PC: variants seen among roughly 807,000 people sequenced by gnomAD.
PC encodes the protein pyruvate carboxylase, mitochondrial.
PC carries 46 observed loss-of-function variants against 107.8 expected under a neutral mutation model. The observed-to-expected ratio is 0.43, with a 90% CI of 0.34 to 0.55. PC has a LOEUF of 0.55. Among genes scored for constraint, PC ranks in the 20% least tolerant of loss-of-function variants. The probability of loss-of-function intolerance (pLI) is 0.04; values close to 1 mark genes in which losing one functional copy is unlikely to be tolerated. For synonymous variants in PC, 662 were observed against 684.7 expected, an observed-to-expected ratio of 0.97 and a Z score of 0.52; for missense variants, 1,241 against 1,643.1, an observed-to-expected ratio of 0.76 and a Z score of 4.23.
chr11:66,928,840 T>A (rs1157726041), intron 3 of PC, among the ~76,000 whole-genome samples: 1 of 152,080 alleles, frequency 6.6e-6, no homozygotes, highest in African/African-American at 2.4e-5. Flanking sequence ...CATTACTTAT[T>A]ATGGGCAATT....
chr11:66,935,995 T>C (rs1299508550), intron 3 of PC, among the ~76,000 whole-genome samples: 4 of 150,762 alleles, frequency 2.7e-5, no homozygotes, highest in Admixed American at 2.7e-4. Flanking sequence ...GGGAGGATCA[T>C]TTGAGCCTTG....
chr11:66,849,653 A>G lies in PC; in HGVS notation c.3105T>C (p.Thr1035=). 1 of 1,614,198 alleles carries G rather than the reference A, an allele frequency of 6.2e-7. No individual in the cohort carries two copies. Among genetic ancestry groups the G allele is most frequent in the Non-Finnish European group, 8.5e-7 (1 of 1,180,036 alleles). ...ATFGPLDSLN[T]RLFLQGPKIA... is the part of the protein sequence containing the mutation. ...TCTTGGGTCCCTGCAGGAAGAGGCGAGTATTCAGGCTATCCAGGGGGCCAA... is the reference window on the plus strand; with the variant it reads ...TCTTGGGTCCCTGCAGGAAGAGGCGGGTATTCAGGCTATCCAGGGGGCCAA... Residue 1035 remains threonine, a synonymous_variant, in exon 21 of 23, where the codon ACT becomes ACC. Transcript: ENST00000393960.
intron 3 of PC, among the ~76,000 whole-genome samples, chr11:66,875,583 T>C (rs1946943827): frequency 6.6e-6 from 1 of 151,886 alleles, no homozygotes; most frequent in African/African-American, 2.4e-5. Flanking sequence ...CCAGGGGGGA[T>C]GCCTGGAGGA....
chr11:66,958,265 C>T (rs1350553967), intron 1 of PC, 57 bp downstream of exon 1: 4 of 152,142 alleles, frequency 2.6e-5, no homozygotes, highest in Non-Finnish European at 5.9e-5. Context: ...CGGCGCACGT[C>T]CACCCGCTCC....
intron 3 of PC, among the ~76,000 whole-genome samples, chr11:66,872,591 C>T (rs1222427999): frequency 6.6e-6 from 1 of 151,854 alleles, no homozygotes; most frequent in Admixed American, 6.6e-5. Context: ...AAAAATTAGC[C>T]GGGCGTGGTG....
intron 3 of PC, among the ~76,000 whole-genome samples, chr11:66,948,484 T>C (rs1949358935): frequency 6.6e-6 from 1 of 152,198 alleles, no homozygotes; most frequent in Non-Finnish European, 1.5e-5. Flanking sequence ...ACACATATGT[T>C]AAAACTTACT....
At chr11:66,907,981 G>C (rs1948218583) in intron 3 of PC, 1 of 152,374 alleles carries the variant, frequency 6.6e-6, no homozygotes, top group Non-Finnish European at 1.5e-5. Context: ...CCAGGAGAGA[G>C]AGGCTGCTTG....
At chr11:66,911,358 A>G (rs61890458) in intron 3 of PC, among the ~76,000 whole-genome samples, 1,857 of 151,202 alleles carry the variant, frequency 0.012, 12 homozygotes, top group Middle Eastern at 0.024. Flanking sequence ...CCTGGGCTTC[A>G]GTTTCTTCCC....
At chr11:66,873,592 C>T (rs529544674) in intron 3 of PC, among the ~76,000 whole-genome samples, 14 of 122,278 alleles carry the variant, frequency 1.1e-4, no homozygotes, top group South Asian at 9.2e-4. Context: ...AATCAACTGA[C>T]GACAACTTAT....
At chr11:66,940,301 T>G (rs765112679) in intron 3 of PC, among the ~76,000 whole-genome samples, 4 of 151,620 alleles carry the variant, frequency 2.6e-5, no homozygotes, top group Non-Finnish European at 2.9e-5. Flanking sequence ...CATGCTCAAG[T>G]GATCCTCCCA....
intron 12 of PC, among the ~76,000 whole-genome samples, chr11:66,861,811 C>T (rs758843587): frequency 7.2e-5 from 11 of 151,818 alleles, no homozygotes; most frequent in Non-Finnish European, 1.6e-4. Context: ...CTGCTGGCCC[C>T]GTGGTCACGG....
intron 3 of PC, among the ~76,000 whole-genome samples, chr11:66,885,953 G>A (rs1947342980): frequency 6.6e-6 from 1 of 152,226 alleles, no homozygotes; most frequent in Non-Finnish European, 1.5e-5. Context: ...GCACAATGAT[G>A]GTAAAAATAC....
intron 12 of PC, chr11:66,859,075 A>G: frequency 1.3e-6 from 2 of 1,489,734 alleles, no homozygotes; most frequent in Non-Finnish European, 1.8e-6. Context: ...AGCAGCGAAG[A>G]TGAGACCCTC....
intron 3 of PC, among the ~76,000 whole-genome samples, chr11:66,923,095 G>A (rs981631650): frequency 2.0e-5 from 3 of 152,064 alleles, no homozygotes; most frequent in South Asian, 2.1e-4. Context: ...CACCGGGCGC[G>A]GTGGCTCACG....
At chr11:66,926,437 C>T (rs898439086) in intron 3 of PC, among the ~76,000 whole-genome samples, 1 of 152,158 alleles carries the variant, frequency 6.6e-6, no homozygotes, top group Non-Finnish European at 1.5e-5. Context: ...GAAAGTAAGG[C>T]TTACCATTAT....
intron 3 of PC, among the ~76,000 whole-genome samples, chr11:66,876,447 T>C (rs1293595143): frequency 6.6e-6 from 1 of 152,212 alleles, no homozygotes; most frequent in East Asian, 1.9e-4. Flanking sequence ...TCATTTCAAA[T>C]TGACAAGTGA....
rs148329620 is a variant in PC, at chr11:66,858,094, G to A, written c.1369-4711C>T. The A allele has an allele frequency of 2.7e-5, 43 of 1,609,278 alleles. No individual in the cohort carries two copies. The Admixed American group carries it at 3.3e-4, about 12-fold the overall frequency. ...GTGGAGCTGGGCACCGGGAGCCTCC[G>A]GGGCCCCGTCAATCTGCAGCACCTC... is the stretch of plus-strand genomic sequence containing the variant. On this transcript the variant is annotated intron_variant, in intron 12 of 22. Transcript: ENST00000393960. This position sits in a 1 kb window ranked among gnomAD's most constrained non-coding sequence, Gnocchi z 5.9.
At chr11:66,863,046 A>G (rs539238808) in intron 12 of PC, among the ~76,000 whole-genome samples, 2 of 152,354 alleles carry the variant, frequency 1.3e-5, no homozygotes, top group Admixed American at 1.3e-4. Flanking sequence ...CCAGAAATTA[A>G]GAATTATCTG....
chr11:66,870,294 C>T lies in PC; in HGVS notation c.903+8G>A, dbSNP rs758110720. On this transcript the variant is annotated splice_region_variant and intron_variant, in intron 9 of 22. Coordinates refer to ENST00000393960, the MANE Select transcript of PC (RefSeq NM_001040716.2). This position sits in a 1 kb window ranked among gnomAD's most constrained non-coding sequence, Gnocchi z 6.1. Reference sequence around the variant, plus strand: ...CTCCTGTCCCAACACGGGAAGCCCACCCTTCACCTGTTTAGCGAGTTTCAC... The same window carrying T: ...CTCCTGTCCCAACACGGGAAGCCCATCCTTCACCTGTTTAGCGAGTTTCAC... The T allele has an allele frequency of 5.6e-6, 9 of 1,612,762 alleles. No homozygotes were observed. Among genetic ancestry groups the T allele is most frequent in the African/African-American group, 1.3e-5 (1 of 74,906 alleles).
Sources: allele counts gnomAD v4.1 joint callset (sites outside exome capture counted in the v4.1 genomes callset), GRCh38; gene constraint gnomAD v4.1.1; non-coding constraint Gnocchi (gnomAD v3.1); transcripts MANE v1.5; gene names NCBI Gene and HGNC (gene_info 2026-07-23, HGNC 2026-07-21).